Variants in HLF observed in about 807,000 individuals in gnomAD.
HLF encodes the protein HLF transcription factor, PAR bZIP family member.
A neutral mutation model predicts 22.6 loss-of-function variants in HLF; 3 were observed. The ratio of observed to expected loss-of-function variants is 0.13; its 90% CI spans 0.06 to 0.34. The LOEUF (loss-of-function observed/expected upper bound fraction) is 0.34, where lower values mean the gene tolerates loss of function less well. Ranked by LOEUF, HLF falls within the 10% of genes least tolerant of loss-of-function variation. The pLI, the probability that HLF is intolerant of heterozygous loss-of-function variation, is 1.00. For synonymous variants in HLF, 151 were observed against 151.8 expected (o/e 0.99, Z 0.04); for missense variants, 299 against 389.2 (o/e 0.77, Z 1.95).
At chr17:55,303,956 A>G (rs1343620520) in intron 2 of HLF, among the ~76,000 whole-genome samples, 1 of 150,808 alleles carries the variant, frequency 6.6e-6, no homozygotes, top group African/African-American at 2.4e-5. Context: ...TTTTTTTCTT[A>G]TCTGCCATCC....
chr17:55,307,572 G>A (rs1188235040), intron 2 of HLF, among the ~76,000 whole-genome samples: 1 of 152,036 alleles, frequency 6.6e-6, no homozygotes, highest in East Asian at 1.9e-4. Context: ...CCTCATTATA[G>A]ACAATTTGCA....
rs1226362828 is a variant in HLF, at chr17:55,320,686, G to A, written c.695G>A (p.Arg232His). The A allele has an allele frequency of 6.2e-7, 1 of 1,614,126 alleles. No individual in the cohort carries two copies. Among genetic ancestry groups the A allele is most frequent in the Non-Finnish European group, 8.5e-7 (1 of 1,179,970 alleles). ...DLKDDKYWAR[R>H]RKNNMAAKRS... is the part of the protein sequence containing the mutation. ...CAGGATGACAAGTACTGGGCAAGGC[G>A]CAGAAAGAACAACATGGCAGCCAAG... Residue 232 changes from arginine (R) to histidine (H), a missense_variant, in exon 4 of 4, where the codon CGC becomes CAC. This residue lies in a region of HLF where 224 missense variants were observed against 298.1 expected (regional missense o/e 0.75). Transcript: ENST00000226067. The surrounding 1 kb of genome is among the most constrained non-coding windows in gnomAD (Gnocchi z 4.2).
chr17:55,273,910 TA>T (rs1253294283), intron 2 of HLF, among the ~76,000 whole-genome samples: 10 of 152,262 alleles, frequency 6.6e-5, no homozygotes, highest in South Asian at 2.1e-4. Flanking sequence ...TCCAACATTC[TA>T]GCCAGACCCC....
chr17:55,268,093 G>T lies in HLF; in HGVS notation c.451+7G>T. On this transcript the variant is annotated splice_region_variant and intron_variant, in intron 2 of 3. Coordinates refer to ENST00000226067, the MANE Select transcript of HLF (RefSeq NM_002126.5). ...CAGAGCCCCATCAGACCAGGTAAGT[G>T]CCCTGAAGATTCTCCCTTCAGAAAG... 6.6e-7 allele frequency: 1 copy of T among 1,515,886 alleles called. No homozygotes were observed. The highest frequency in any genetic ancestry group is 8.8e-7 in the Non-Finnish European group (1 of 1,130,498). The allele number at this position is 1,515,886 out of a possible 1,614,324, so 93.9% of individuals were successfully genotyped here.
chr17:55,274,184 G>A (rs9910340), intron 2 of HLF, among the ~76,000 whole-genome samples: 14,161 of 152,184 alleles, frequency 0.093, 1,043 homozygotes, highest in East Asian at 0.32. Flanking sequence ...GAAGACAGCC[G>A]TGATTTATTA....
chr17:55,296,190 A>C (rs921289762), intron 2 of HLF, among the ~76,000 whole-genome samples: 1 of 152,160 alleles, frequency 6.6e-6, no homozygotes, highest in African/African-American at 2.4e-5. Flanking sequence ...TTTCCTTACA[A>C]GGTAGGGTTT....
intron 3 of HLF, among the ~76,000 whole-genome samples, chr17:55,316,600 C>T (rs1318696012): frequency 6.6e-6 from 1 of 152,224 alleles, no homozygotes; most frequent in Admixed American, 6.5e-5. Context: ...AAAATTACCA[C>T]TTGCAGTTGA....
rs1905256692 is a variant in HLF, at chr17:55,321,370, G to A, written c.*491G>A. On this transcript the variant is annotated 3_prime_UTR_variant, in exon 4 of 4. Coordinates refer to ENST00000226067, the MANE Select transcript of HLF (RefSeq NM_002126.5). ...GTCCGTAAGTTACCATGCTAATGAG[G>A]TGCACACAATAACTTAGCACTACTC... The A allele has an allele frequency of 4.2e-6, 1 of 238,170 alleles. No homozygotes were observed. Among genetic ancestry groups the A allele is most frequent in the Non-Finnish European group, 8.3e-6 (1 of 120,690 alleles). 14.8% of individuals were successfully genotyped at this position (238,170 alleles called of 1,614,324 possible).
At chr17:55,304,766 C>A (rs1307959782) in intron 2 of HLF, among the ~76,000 whole-genome samples, 1 of 152,160 alleles carries the variant, frequency 6.6e-6, no homozygotes, top group South Asian at 2.1e-4. Context: ...TACCAAGGGG[C>A]CTTCCCACAT....
chr17:55,306,537 AGTGTGTGTGTGT>A (rs60472672), intron 2 of HLF, among the ~76,000 whole-genome samples: 73 of 143,698 alleles, frequency 5.1e-4, no homozygotes, highest in Non-Finnish European at 8.8e-4. Context: ...GCAAAAAGGA[AGTGTGTGTGTGT>A]GTGTGTGTGT....
chr17:55,290,014 G>A lies in HLF; in HGVS notation c.451+21928G>A, dbSNP rs116225470. Among the ~76,000 whole-genome samples the A allele has an allele frequency of 1.1e-3, 167 of 152,270 alleles. 1 individual carries two copies. The highest frequency in any genetic ancestry group is 6.8e-3 in the Middle Eastern group (2 of 294). The stretch of plus-strand genomic sequence containing the variant: ...CTGGTACAGAATTCCAAGATATTTC[G>A]CTTTGGAATGTGAAAGGAGTCTCTC... On this transcript the variant is annotated intron_variant, in intron 2 of 3. Coordinates refer to ENST00000226067, the MANE Select transcript of HLF (RefSeq NM_002126.5).
At chr17:55,294,613 G>T (rs1378269466) in intron 2 of HLF, among the ~76,000 whole-genome samples, 2 of 152,226 alleles carry the variant, frequency 1.3e-5, no homozygotes. Context: ...TGCAAAAATA[G>T]ATCTCCATGT....
intron 2 of HLF, among the ~76,000 whole-genome samples, chr17:55,313,557 G>C (rs1286379767): frequency 6.6e-6 from 1 of 152,060 alleles, no homozygotes; most frequent in African/African-American, 2.4e-5. Flanking sequence ...GGGGAGGTGG[G>C]GACATTGTAG....
chr17:55,307,649 G>T (rs1302796787), intron 2 of HLF, among the ~76,000 whole-genome samples: 1 of 152,088 alleles, frequency 6.6e-6, no homozygotes, highest in Non-Finnish European at 1.5e-5. Flanking sequence ...GGATCTGGGG[G>T]GTGTTATGTC....
chr17:55,299,265 A>C (rs1013340176), intron 2 of HLF, among the ~76,000 whole-genome samples: 1 of 152,200 alleles, frequency 6.6e-6, no homozygotes, highest in African/African-American at 2.4e-5. Flanking sequence ...TCCAGGCAAC[A>C]CTTATTGCTT....
chr17:55,305,703 G>T (rs1339716926), intron 2 of HLF, among the ~76,000 whole-genome samples: 2 of 152,232 alleles, frequency 1.3e-5, no homozygotes, highest in Non-Finnish European at 2.9e-5. Flanking sequence ...CCGCCTCGCA[G>T]AGGCTGATGG....
intron 2 of HLF, among the ~76,000 whole-genome samples, chr17:55,311,800 C>A (rs1904843286): frequency 6.6e-6 from 1 of 152,148 alleles, no homozygotes. Context: ...CCTAATAGAT[C>A]CTTTTCACAC....
chr17:55,285,524 C>T (rs576417913), intron 2 of HLF, among the ~76,000 whole-genome samples: 1 of 152,346 alleles, frequency 6.6e-6, no homozygotes, highest in South Asian at 2.1e-4. Context: ...AGTCCCTTTT[C>T]AGCCAGGGCC....
chr17:55,302,186 T>G (rs1238453547), intron 2 of HLF, among the ~76,000 whole-genome samples: 1 of 152,158 alleles, frequency 6.6e-6, no homozygotes, highest in Non-Finnish European at 1.5e-5. Context: ...GAGGATGAGT[T>G]TGGCTTAAAC....
Sources: allele counts gnomAD v4.1 joint callset (sites outside exome capture counted in the v4.1 genomes callset), GRCh38; gene constraint gnomAD v4.1.1; regional missense constraint gnomAD v4.1.1; non-coding constraint Gnocchi (gnomAD v3.1); transcripts MANE v1.5; gene names NCBI Gene and HGNC (gene_info 2026-07-23, HGNC 2026-07-21).